RELN: variants seen among roughly 807,000 people sequenced by gnomAD.
RELN encodes the protein reelin.
A neutral mutation model predicts 427.6 loss-of-function variants in RELN; 108 were observed. The observed-to-expected ratio is 0.25, with a 90% CI of 0.22 to 0.30. The LOEUF is 0.30. Among genes scored for constraint, RELN ranks in the 10% least tolerant of loss-of-function variants. The probability of loss-of-function intolerance (pLI) is 1.00; values close to 1 mark genes in which losing one functional copy is unlikely to be tolerated. For synonymous variants in RELN, 1,524 were observed against 1,513.4 expected (o/e 1.01, Z -0.16); for missense variants, 3,715 against 4,302.8 (o/e 0.86, Z 3.82).
intron 8 of RELN, among the ~76,000 whole-genome samples, chr7:103,718,044 C>T (rs1789984822): frequency 1.3e-5 from 2 of 152,128 alleles, no homozygotes; most frequent in Admixed American, 6.5e-5. Flanking sequence ...TTATCCTTTA[C>T]ATCTATTAAA....
At chr7:103,600,333 A>G (rs1319779218) in intron 24 of RELN, among the ~76,000 whole-genome samples, 2 of 152,194 alleles carry the variant, frequency 1.3e-5, no homozygotes, top group Non-Finnish European at 2.9e-5. Context: ...TTGCTGCCAA[A>G]CAAGTGAGTG....
intron 28 of RELN, among the ~76,000 whole-genome samples, chr7:103,580,987 G>A (rs946625470): frequency 2.6e-5 from 4 of 152,182 alleles, no homozygotes; most frequent in Non-Finnish European, 1.5e-5. Flanking sequence ...TGCAGTGGTG[G>A]AGGTGAAGAG....
chr7:103,730,577 T>G (rs1316587353), intron 6 of RELN, among the ~76,000 whole-genome samples: 1 of 152,106 alleles, frequency 6.6e-6, no homozygotes, highest in African/African-American at 2.4e-5. Context: ...CTTCTCTTCT[T>G]CATTGTGCTT....
At chr7:103,966,034 T>A (rs1240908229) in intron 1 of RELN, among the ~76,000 whole-genome samples, 1 of 152,158 alleles carries the variant, frequency 6.6e-6, no homozygotes, top group Non-Finnish European at 1.5e-5. Flanking sequence ...ACAAAATGAC[T>A]ATAACAAAGC....
In RELN at chr7:103,503,293, C is replaced by A. The variant is rs1215258215; in HGVS notation, c.8275-63G>T. On this transcript the variant is annotated intron_variant, in intron 51 of 64. Transcript: ENST00000428762. ...ATATGATATGATTCTTCTCCAAGGA[C>A]TTGGCAGCAAAAAAGCTGCTGATCA... 4.1e-6 allele frequency: 6 copies of A among 1,477,040 alleles called. No homozygotes were observed. In the African/African-American group the frequency reaches 8.3e-5, roughly 20 times the overall value. 91.5% of individuals were successfully genotyped at this position (1,477,040 alleles called of 1,614,324 possible). A position where few individuals can be genotyped will look rare whatever the true frequency, so the allele number is the denominator to read the frequency against.
intron 25 of RELN, among the ~76,000 whole-genome samples, chr7:103,595,007 A>T (rs1165838787): frequency 6.6e-6 from 1 of 152,180 alleles, no homozygotes; most frequent in East Asian, 1.9e-4. Context: ...GCAAGGCATT[A>T]TACGTATAAT....
In RELN at chr7:103,911,771, G is replaced by T. The variant is rs1486567628; in HGVS notation, c.337+5304C>A. On this transcript the variant is annotated intron_variant, in intron 2 of 64. Transcript: ENST00000428762. The stretch of plus-strand genomic sequence containing the variant: ...TCGCAAGAACAAAAAACCAAACACC[G>T]CATATTCTCACTCATAGGTGGGAAT... Among the ~76,000 whole-genome samples the T allele has an allele frequency of 2.3e-5, 3 of 130,070 alleles. No homozygotes were observed. In the South Asian group the frequency reaches 8.4e-4, roughly 36 times the overall value. The allele number at this position is 130,070 out of a possible 152,430, so 85.3% of individuals were successfully genotyped here.
chr7:103,938,271 G>C (rs1039624215), intron 1 of RELN, among the ~76,000 whole-genome samples: 1 of 151,920 alleles, frequency 6.6e-6, no homozygotes, highest in African/African-American at 2.4e-5. Context: ...AGTGAGCCGA[G>C]ATTGCGCCAT....
chr7:103,890,637 C>T (rs551107578), intron 2 of RELN, among the ~76,000 whole-genome samples: 141 of 152,156 alleles, frequency 9.3e-4, no homozygotes, highest in Non-Finnish European at 1.7e-3. Flanking sequence ...GGTTGGGGAC[C>T]GCTGCACTAT....
intron 6 of RELN, among the ~76,000 whole-genome samples, chr7:103,748,318 T>C (rs866597945): frequency 6.6e-6 from 1 of 152,098 alleles, no homozygotes; most frequent in Non-Finnish European, 1.5e-5. Context: ...ATTTATACTA[T>C]CTAGATGTAT....
chr7:103,738,668 CTTCCTTTT>C (rs1790557611), intron 6 of RELN, among the ~76,000 whole-genome samples: 1 of 140,388 alleles, frequency 7.1e-6, no homozygotes, highest in African/African-American at 2.7e-5. Flanking sequence ...TCCTTCCTTC[CTTCCTTTT>C]TTTTTTTTTT....
At chr7:103,835,954 C>CTTTTTTTTTTTTTTTTTTTTTT (rs10569884) in intron 2 of RELN, among the ~76,000 whole-genome samples, 1 of 142,394 alleles carries the variant, frequency 7.0e-6, no homozygotes, top group African/African-American at 2.6e-5. Context: ...CTCAATTACC[C>CTTTTTTTTTTTTTTTTTTTTTT]TTTTTTTTTT....
intron 19 of RELN, among the ~76,000 whole-genome samples, chr7:103,634,692 A>G (rs1040735475): frequency 6.6e-6 from 1 of 152,158 alleles, no homozygotes; most frequent in African/African-American, 2.4e-5. Flanking sequence ...ACTATATTAC[A>G]TGTAAATCTT....
chr7:103,856,250 T>C (rs941413534), intron 2 of RELN, among the ~76,000 whole-genome samples: 7 of 151,868 alleles, frequency 4.6e-5, no homozygotes, highest in East Asian at 1.9e-4. Context: ...ACTGGAAGAA[T>C]AGACAGCAGC....
At chr7:103,894,534 T>G (rs2116600785) in intron 2 of RELN, among the ~76,000 whole-genome samples, 1 of 152,264 alleles carries the variant, frequency 6.6e-6, no homozygotes, top group South Asian at 2.1e-4. Context: ...TTTAAAATGG[T>G]TTAATGTATG....
intron 4 of RELN, among the ~76,000 whole-genome samples, chr7:103,756,627 T>G (rs949687241): frequency 6.6e-6 from 1 of 152,160 alleles, no homozygotes; most frequent in African/African-American, 2.4e-5. Context: ...AATGCCAGAA[T>G]AGACACATAA....
chr7:103,806,603 G>A (rs1792606516), intron 3 of RELN, among the ~76,000 whole-genome samples: 1 of 152,116 alleles, frequency 6.6e-6, no homozygotes, highest in African/African-American at 2.4e-5. Flanking sequence ...GGGATTACAG[G>A]TGTGAGCCAC....
At chr7:103,595,296 T>C (rs2109698) in intron 25 of RELN, among the ~76,000 whole-genome samples, 16,460 of 152,222 alleles carry the variant, frequency 0.11, 945 homozygotes, top group South Asian at 0.18. Flanking sequence ...CAATTCCCTC[T>C]CTACTATATT....
chr7:103,976,732 G>A (rs540975044), intron 1 of RELN, among the ~76,000 whole-genome samples: 47 of 152,266 alleles, frequency 3.1e-4, no homozygotes, highest in African/African-American at 1.0e-3. Flanking sequence ...GCAGTCACCA[G>A]CATGAAGGTG....
Sources: allele counts gnomAD v4.1 joint callset (sites outside exome capture counted in the v4.1 genomes callset), GRCh38; gene constraint gnomAD v4.1.1; transcripts MANE v1.5; gene names NCBI Gene and HGNC (gene_info 2026-07-23, HGNC 2026-07-21).